Variants in RBFOX3 observed in about 807,000 individuals in gnomAD.
RBFOX3 encodes RNA binding protein fox-1 homolog 3.
A neutral mutation model predicts 48.7 loss-of-function variants in RBFOX3; 17 were observed. The observed-to-expected ratio is 0.35, with a 90% CI of 0.24 to 0.52. The LOEUF is 0.52. Ranked by LOEUF, RBFOX3 falls within the 20% of genes least tolerant of loss-of-function variation. RBFOX3 has a pLI of 0.94. For missense variants in RBFOX3, 382 were observed against 497.5 expected (o/e 0.77, Z 2.21); for synonymous variants, 212 against 209.5 (o/e 1.01, Z -0.10).
chr17:79,095,075 C>T (rs2074912091), intron 13 of RBFOX3, among the ~76,000 whole-genome samples: 1 of 152,154 alleles, frequency 6.6e-6, no homozygotes, highest in East Asian at 1.9e-4. Flanking sequence ...GAGATGGAGC[C>T]GGGGCTGCCA....
intron 1 of RBFOX3, among the ~76,000 whole-genome samples, chr17:79,492,805 C>T (rs1158111871): frequency 6.6e-6 from 1 of 152,124 alleles, no homozygotes; most frequent in Non-Finnish European, 1.5e-5. Context: ...AGTGAGAAGA[C>T]AGGATGAGAG....
intron 1 of RBFOX3, among the ~76,000 whole-genome samples, chr17:79,590,106 C>T (rs1460401074): frequency 6.6e-6 from 1 of 152,014 alleles, no homozygotes; most frequent in African/African-American, 2.4e-5. Context: ...GCTCAGTGTG[C>T]CTTGGCTTTG....
intron 3 of RBFOX3, among the ~76,000 whole-genome samples, chr17:79,237,775 G>A (rs1657067066): frequency 6.6e-6 from 1 of 152,214 alleles, no homozygotes; most frequent in Non-Finnish European, 1.5e-5. Flanking sequence ...CAGTAAAATG[G>A]CAAAGGTAAC....
At chr17:79,110,115 T>C (rs968459244) in intron 5 of RBFOX3, among the ~76,000 whole-genome samples, 1 of 135,732 alleles carries the variant, frequency 7.4e-6, no homozygotes, top group African/African-American at 2.9e-5. Context: ...TCTCAGGGGC[T>C]TTCTTTCCCC....
intron 2 of RBFOX3, among the ~76,000 whole-genome samples, chr17:79,411,447 C>T (rs934557333): frequency 1.3e-5 from 2 of 152,270 alleles, no homozygotes; most frequent in East Asian, 3.9e-4. Flanking sequence ...CCCTGGGGAG[C>T]GTGTTCAGCC....
intron 2 of RBFOX3, among the ~76,000 whole-genome samples, chr17:79,419,781 C>T (rs571714722): frequency 4.6e-5 from 7 of 152,244 alleles, no homozygotes; most frequent in East Asian, 3.9e-4. Flanking sequence ...GAGTTCTGGG[C>T]GCCCTGGTGT....
Position 79,242,053 on chromosome 17 carries a change from C to T in RBFOX3, c.-73-6248G>A, listed in dbSNP as rs2062458945. Among the ~76,000 whole-genome samples, 1 of 152,244 alleles carries T rather than the reference C, an allele frequency of 6.6e-6. No individual in the cohort carries two copies. Among genetic ancestry groups the T allele is most frequent in the Non-Finnish European group, 1.5e-5 (1 of 68,046 alleles). On this transcript the variant is annotated intron_variant, in intron 3 of 14. Transcript: ENST00000693108. The surrounding 1 kb of genome is among the most constrained non-coding windows in gnomAD (Gnocchi z 5.8). ...ACTCGATTCTTTGCTTTCTTTCCTTCCATGTTTTCCTAAATGTGCAGTGAC... is the reference window on the plus strand; with the variant it reads ...ACTCGATTCTTTGCTTTCTTTCCTTTCATGTTTTCCTAAATGTGCAGTGAC...
chr17:79,264,378 T>A (rs1359636525), intron 3 of RBFOX3, among the ~76,000 whole-genome samples: 1 of 151,852 alleles, frequency 6.6e-6, no homozygotes, highest in African/African-American at 2.4e-5. Context: ...GCCTGGCTTT[T>A]TTTTTTTTAA....
chr17:79,595,966 A>T (rs993000227), intron 1 of RBFOX3, among the ~76,000 whole-genome samples: 8 of 152,228 alleles, frequency 5.3e-5, no homozygotes, highest in Admixed American at 1.3e-4. Flanking sequence ...TTACGCTCCG[A>T]AGGATGCAGC....
At chr17:79,538,351 T>TGG (rs1327540673) in intron 1 of RBFOX3, among the ~76,000 whole-genome samples, 2 of 152,088 alleles carry the variant, frequency 1.3e-5, no homozygotes, top group Non-Finnish European at 2.9e-5. Context: ...CTGGCTACAG[T>TGG]GGAGAGAGAG....
At chr17:79,095,920 C>A (rs967119786) in intron 12 of RBFOX3, among the ~76,000 whole-genome samples, 1 of 152,218 alleles carries the variant, frequency 6.6e-6, no homozygotes, top group Non-Finnish European at 1.5e-5. Flanking sequence ...GGGTGCTAGG[C>A]CTTGGCAAGG....
chr17:79,216,355 G>A (rs2059044185), intron 4 of RBFOX3, among the ~76,000 whole-genome samples: 2 of 152,360 alleles, frequency 1.3e-5, no homozygotes, highest in Admixed American at 6.5e-5. Context: ...AGAAGGTGGA[G>A]ACCATGGGGA....
intron 2 of RBFOX3, among the ~76,000 whole-genome samples, chr17:79,351,918 C>T (rs1348438431): frequency 6.6e-6 from 1 of 152,082 alleles, no homozygotes; most frequent in Non-Finnish European, 1.5e-5. Context: ...CATTTGTTTT[C>T]CTAGAGAGTC....
rs563901211 is a variant in RBFOX3, at chr17:79,422,773, C to G, written c.-175+59681G>C. ...CTTCATATGTTGCAGCCCTGACCCC[C>G]CTGTGTAGCTGCATTTGGAGGTGGA... is the stretch of plus-strand genomic sequence containing the variant. On this transcript the variant is annotated intron_variant, in intron 2 of 14. Transcript: ENST00000693108. 6.6e-5 allele frequency among the ~76,000 whole-genome samples: 10 copies of G among 152,280 alleles called. No homozygotes were observed. In the South Asian group the frequency reaches 8.3e-4, roughly 13 times the overall value.
chr17:79,510,982 G>A (rs988161172), intron 1 of RBFOX3, among the ~76,000 whole-genome samples: 14 of 152,246 alleles, frequency 9.2e-5, no homozygotes, highest in South Asian at 4.1e-4. Context: ...CAAGAACCTC[G>A]GCCTCCTTTG....
rs895923147 is a variant in RBFOX3, at chr17:79,090,179, GCTTC to G, written c.*700_*703del. On this transcript the variant is annotated 3_prime_UTR_variant, in exon 15 of 15. Transcript: ENST00000693108. ...TGAGGAGTGGCTCCTGGCTGGCTGG[GCTTC>G]CTTCGTCCTCCCATGGAGCGCCCCT... The G allele has an allele frequency of 6.6e-6, 1 of 152,344 alleles. No individual in the cohort carries two copies. Among genetic ancestry groups the G allele is most frequent in the Non-Finnish European group, 1.5e-5 (1 of 68,140 alleles). 9.4% of individuals were successfully genotyped at this position (152,344 alleles called of 1,614,324 possible).
intron 1 of RBFOX3, among the ~76,000 whole-genome samples, chr17:79,555,046 G>A (rs1022241396): frequency 0.44 from 67,479 of 152,108 alleles, 15,597 homozygotes; most frequent in East Asian, 0.61. Flanking sequence ...ACAGGCTTGA[G>A]TGTCAGGCAG....
rs1190834102 is a variant in RBFOX3 at position 79,361,252 on chromosome 17, C to T, written c.-174-53428G>A. On this transcript the variant is annotated intron_variant, in intron 2 of 14. Coordinates refer to ENST00000693108, the MANE Select transcript of RBFOX3 (RefSeq NM_001350451.2). This position sits in a 1 kb window ranked among gnomAD's most constrained non-coding sequence, Gnocchi z 4.5. ...CCATCCTCGGCTTGCCACTGCCCGA[C>T]CTGGCCTCTTCCCTCTCCCCAGGCT... 6.6e-6 allele frequency among the ~76,000 whole-genome samples: 1 copy of T among 152,174 alleles called. No individual in the cohort carries two copies. Among genetic ancestry groups the T allele is most frequent in the South Asian group, 2.1e-4 (1 of 4,828 alleles).
chr17:79,344,838 G>C (rs996337837), intron 2 of RBFOX3, among the ~76,000 whole-genome samples: 1 of 152,090 alleles, frequency 6.6e-6, no homozygotes, highest in Non-Finnish European at 1.5e-5. Context: ...TTACAGGCAT[G>C]AGCCACCACG....
Sources: allele counts gnomAD v4.1 joint callset (sites outside exome capture counted in the v4.1 genomes callset), GRCh38; gene constraint gnomAD v4.1.1; non-coding constraint Gnocchi (gnomAD v3.1); transcripts MANE v1.5; gene names NCBI Gene and HGNC (gene_info 2026-07-23, HGNC 2026-07-21).